SORCS3: variants seen among roughly 807,000 people sequenced by gnomAD.
SORCS3 encodes sortilin related VPS10 domain containing receptor 3.
Under a neutral mutation model 146.3 loss-of-function variants are expected in SORCS3, and 57 were observed. That is an observed-to-expected ratio of 0.39 (90% CI 0.31 to 0.49). The LOEUF (loss-of-function observed/expected upper bound fraction) is 0.49. SORCS3 is among the 20% of genes least tolerant of loss of function. The pLI is 0.92. For synonymous variants in SORCS3, 653 were observed against 618.5 expected (o/e 1.06, Z -0.83); for missense variants, 1,341 against 1,575.5 (o/e 0.85, Z 2.52).
At chr10:105,002,457 C>T (rs898503669) in intron 4 of SORCS3, among the ~76,000 whole-genome samples, 3 of 152,204 alleles carry the variant, frequency 2.0e-5, no homozygotes, top group Admixed American at 2.0e-4. Flanking sequence ...AATGCCTACC[C>T]TGCATCAGGC....
intron 14 of SORCS3, among the ~76,000 whole-genome samples, chr10:105,197,230 G>T (rs769187413): frequency 8.5e-5 from 13 of 152,128 alleles, no homozygotes; most frequent in Non-Finnish European, 1.9e-4. Flanking sequence ...CTTATTGCAG[G>T]TTACCATTCA....
At position 105,247,317 on chromosome 10, in the gene SORCS3, C is replaced by G. The variant is rs537534549; in HGVS notation, c.3091C>G (p.Arg1031Gly). The change falls in exon 22 of 27, where the codon CGA becomes GGA. Residue 1031 changes from arginine to glycine, a missense_variant. Arg to Gly is a moderately radical substitution (Grantham distance 125). Coordinates refer to ENST00000369701, the MANE Select transcript of SORCS3 (RefSeq NM_014978.3). ...AAAAGATATTGGCAATGTCATCAAG[C>G]GAGCTCTGGTTAAAGTAAGTTGGCT... ...WRKDIGNVIK[R>G]ALVKVTSVPE... The G allele has an allele frequency of 6.2e-7, 1 of 1,603,320 alleles. No homozygotes were observed. The highest frequency in any genetic ancestry group is 8.5e-7 in the Non-Finnish European group (1 of 1,170,998).
intron 2 of SORCS3, among the ~76,000 whole-genome samples, chr10:104,876,760 T>TTTCTCTTC (rs1554856391): frequency 8.4e-6 from 1 of 119,392 alleles, no homozygotes; most frequent in African/African-American, 3.6e-5. Context: ...TCTTTCTTTC[T>TTTCTCTTC]CTTCCTTCCT....
intron 3 of SORCS3, among the ~76,000 whole-genome samples, chr10:104,952,967 A>C (rs577197179): frequency 6.6e-6 from 1 of 152,356 alleles, no homozygotes; most frequent in East Asian, 1.9e-4. Flanking sequence ...TTGAGCAAAC[A>C]GGTAGTGTTT....
At chr10:105,226,456 G>C (rs2056734568) in intron 20 of SORCS3, among the ~76,000 whole-genome samples, 1 of 151,850 alleles carries the variant, frequency 6.6e-6, no homozygotes, top group Non-Finnish European at 1.5e-5. Context: ...GATTCAGTTT[G>C]TTAGTATTTC....
At chr10:104,785,591 T>TTAA (rs1554851153) in intron 1 of SORCS3, among the ~76,000 whole-genome samples, 10 of 148,252 alleles carry the variant, frequency 6.7e-5, no homozygotes, top group Admixed American at 1.3e-4. Context: ...AAAAATAAAT[T>TTAA]AAAAAAAAAA....
rs77675612 is a variant in SORCS3, at chr10:105,215,489, T to A, written c.2547+876T>A. Among the ~76,000 whole-genome samples, 1,189 of 152,312 alleles carry A rather than the reference T, an allele frequency of 7.8e-3. 13 individuals are homozygous for A. Among genetic ancestry groups the A allele is most frequent in the African/African-American group, 0.027 (1,133 of 41,564 alleles). On this transcript the variant is annotated intron_variant, in intron 18 of 26. Coordinates refer to ENST00000369701, the MANE Select transcript of SORCS3 (RefSeq NM_014978.3). ...ACTGGACAGGGTGGTGAAGGTTCCT[T>A]ATCCTGGGTTGACAGATTTCTCAGC...
intron 1 of SORCS3, among the ~76,000 whole-genome samples, chr10:104,833,652 AT>A (rs2018032854): frequency 6.6e-6 from 1 of 152,084 alleles, no homozygotes; most frequent in Non-Finnish European, 1.5e-5. Flanking sequence ...CGTTTCACTG[AT>A]CTCTAAATGC....
intron 1 of SORCS3, among the ~76,000 whole-genome samples, chr10:104,720,842 ATTTG>A (rs1177988964): frequency 1.3e-5 from 2 of 152,016 alleles, no homozygotes; most frequent in Non-Finnish European, 2.9e-5. Context: ...TTTCTTGTAA[ATTTG>A]TTTGAGTTCA....
intron 1 of SORCS3, among the ~76,000 whole-genome samples, chr10:104,747,119 G>A (rs1589483220): frequency 6.6e-6 from 1 of 152,170 alleles, no homozygotes; most frequent in African/African-American, 2.4e-5. Context: ...GACTAATGAT[G>A]CCAATTCCAG....
At chr10:104,646,278 C>A (rs560861904) in intron 1 of SORCS3, among the ~76,000 whole-genome samples, 1 of 152,078 alleles carries the variant, frequency 6.6e-6, no homozygotes, top group Non-Finnish European at 1.5e-5. Context: ...AATTGGGAGG[C>A]CTGATTTAAT....
intron 1 of SORCS3, among the ~76,000 whole-genome samples, chr10:104,746,013 G>A (rs764907104): frequency 6.6e-6 from 1 of 151,878 alleles, no homozygotes; most frequent in Non-Finnish European, 1.5e-5. Flanking sequence ...CATATCAAAA[G>A]GATAAGTACA....
In SORCS3 at chr10:104,969,340, T is replaced by TGCGC. The variant is rs1554863654; in HGVS notation, c.796-7987_796-7984dup. 1.1e-3 allele frequency among the ~76,000 whole-genome samples: 127 copies of TGCGC among 112,408 alleles called. 2 individuals are homozygous for TGCGC. In the South Asian group the frequency reaches 0.019, roughly 16 times the overall value. The allele number at this position is 112,408 out of a possible 152,430, so 73.7% of individuals were successfully genotyped here. On this transcript the variant is annotated intron_variant, in intron 3 of 26. Transcript: ENST00000369701. ...GTGTGTGTGTGTGTGTGTGTGTGTGTGCGCGCGCGCGTACAGAGCATGGAA... is the reference window on the plus strand; with the variant it reads ...GTGTGTGTGTGTGTGTGTGTGTGTGTGCGCGCGCGCGCGCGTACAGAGCATGGAA...
chr10:105,092,376 T>A (rs555708684), intron 6 of SORCS3, among the ~76,000 whole-genome samples: 1 of 152,336 alleles, frequency 6.6e-6, no homozygotes, highest in South Asian at 2.1e-4. Context: ...TTATTTTATT[T>A]TTTCATTATA....
chr10:105,072,765 T>A (rs751675526), intron 5 of SORCS3, among the ~76,000 whole-genome samples: 2 of 150,182 alleles, frequency 1.3e-5, no homozygotes. Context: ...CGTAGCCAGA[T>A]GATGTGTCTA....
At chr10:104,721,570 T>G (rs984968513) in intron 1 of SORCS3, among the ~76,000 whole-genome samples, 5 of 152,126 alleles carry the variant, frequency 3.3e-5, no homozygotes, top group Non-Finnish European at 7.4e-5. Flanking sequence ...CCTTGGGCAG[T>G]ATGGCCATTT....
At chr10:104,992,687 A>G (rs1206490826) in intron 4 of SORCS3, among the ~76,000 whole-genome samples, 2 of 152,114 alleles carry the variant, frequency 1.3e-5, no homozygotes, top group Non-Finnish European at 2.9e-5. Context: ...TTTCACACCA[A>G]AGTGCCCTGG....
chr10:105,081,722 G>A (rs1480790643), intron 5 of SORCS3, among the ~76,000 whole-genome samples: 1 of 152,186 alleles, frequency 6.6e-6, no homozygotes, highest in Non-Finnish European at 1.5e-5. Flanking sequence ...AGTTTTGGCT[G>A]TGGCTTCCTA....
At chr10:105,101,971 A>G (rs899178694) in intron 6 of SORCS3, among the ~76,000 whole-genome samples, 3 of 152,206 alleles carry the variant, frequency 2.0e-5, no homozygotes, top group Non-Finnish European at 4.4e-5. Flanking sequence ...GCTAGCAGCA[A>G]TGTGCTCCAA....
Sources: allele counts gnomAD v4.1 joint callset (sites outside exome capture counted in the v4.1 genomes callset), GRCh38; gene constraint gnomAD v4.1.1; transcripts MANE v1.5; gene names NCBI Gene and HGNC (gene_info 2026-07-23, HGNC 2026-07-21).